The following FTCDNL1 variants were observed in gnomAD, a reference collection of about 807,000 sequenced individuals.
FTCDNL1 encodes formiminotransferase N-terminal subdomain-containing protein.
Under a neutral mutation model 5.9 loss-of-function variants are expected in FTCDNL1, and 11 were observed. That is an observed-to-expected ratio of 1.87 (90% confidence interval 1.18 to 3.10). FTCDNL1 has a LOEUF of 3.10. FTCDNL1 is among the 30% of genes most tolerant of loss of function. The pLI, the probability that FTCDNL1 is intolerant of heterozygous loss-of-function variation, is 0.00. For synonymous variants in FTCDNL1, 58 were observed against 24.8 expected (o/e 2.34, Z -3.99); for missense variants, 115 against 65.5 (o/e 1.76, Z -2.61).
the FTCDNL1 span, among the ~76,000 whole-genome samples, chr2:199,724,042 A>G: frequency 6.6e-6 from 1 of 152,250 alleles, no homozygotes; most frequent in Admixed American, 6.5e-5. Context: ...TAGGCTATTT[A>G]TTATTGCCTC....
At chr2:199,741,231 G>A in the FTCDNL1 span, among the ~76,000 whole-genome samples, 4 of 152,108 alleles carry the variant, frequency 2.6e-5, no homozygotes, top group Admixed American at 6.5e-5. Flanking sequence ...AGCTATGATC[G>A]CTCCACTGCA....
At chr2:199,793,687 G>C (rs1339812181) in intron 3 of FTCDNL1, among the ~76,000 whole-genome samples, 2 of 152,110 alleles carry the variant, frequency 1.3e-5, no homozygotes, top group African/African-American at 2.4e-5. Flanking sequence ...CATGAGTAAA[G>C]AAAATGGCTA....
chr2:199,757,525 G>A (rs1035867167), downstream of FTCDNL1, among the ~76,000 whole-genome samples: 3 of 152,232 alleles, frequency 2.0e-5, no homozygotes, highest in Non-Finnish European at 4.4e-5. Flanking sequence ...CCAGGAAAGG[G>A]ATGGTGTCCC....
the FTCDNL1 span, among the ~76,000 whole-genome samples, chr2:199,704,143 A>C: frequency 2.6e-5 from 4 of 152,180 alleles, no homozygotes; most frequent in Non-Finnish European, 5.9e-5. Flanking sequence ...TCAGGAACTA[A>C]GGAATTCCAT....
chr2:199,848,986 AT>A lies in FTCDNL1; in HGVS notation c.-7-18del. The A allele has an allele frequency of 8.6e-6, 6 of 697,952 alleles. No homozygotes were observed. Among genetic ancestry groups the A allele is most frequent in the Non-Finnish European group, 1.6e-5 (6 of 383,704 alleles). 43.2% of individuals were successfully genotyped at this position (697,952 alleles called of 1,614,324 possible). ...ATGATTTTTCTGGAATAGGAGAAAA[AT>A]TTTTATGTGTCTCTAGAGTTGATTC... On this transcript the variant is annotated intron_variant, in intron 1 of 4. Transcript: ENST00000420128.
intron 3 of FTCDNL1, among the ~76,000 whole-genome samples, chr2:199,773,788 C>T (rs571444703): frequency 1.3e-5 from 2 of 152,274 alleles, no homozygotes; most frequent in South Asian, 2.1e-4. Context: ...TATGACATTG[C>T]TTTTCATTAT....
intron 4 of FTCDNL1, among the ~76,000 whole-genome samples, chr2:199,813,190 TAACACA>T (rs1200583390): frequency 6.6e-6 from 1 of 152,154 alleles, no homozygotes; most frequent in Non-Finnish European, 1.5e-5. Context: ...ATGTCTGGAA[TAACACA>T]AATAAAAAAC....
At chr2:199,850,580 C>G (rs981925899) in intron 1 of FTCDNL1, among the ~76,000 whole-genome samples, 160 bp downstream of exon 1, 1 of 152,244 alleles carries the variant, frequency 6.6e-6, no homozygotes, top group African/African-American at 2.4e-5. Flanking sequence ...CCCCAAAACA[C>G]TCTGTGTTTG....
chr2:199,726,024 A>G, the FTCDNL1 span, among the ~76,000 whole-genome samples: 1 of 151,898 alleles, frequency 6.6e-6, no homozygotes, highest in African/African-American at 2.4e-5. Flanking sequence ...AGGTACCCCA[A>G]TCATTCATAG....
intron 3 of FTCDNL1, among the ~76,000 whole-genome samples, chr2:199,775,599 C>G (rs1699018373): frequency 6.6e-6 from 1 of 152,180 alleles, no homozygotes; most frequent in Admixed American, 6.5e-5. Context: ...TTTTTCTGCT[C>G]CAGATATCCA....
At chr2:199,807,202 G>A (rs149737668), downstream of FTCDNL1, among the ~76,000 whole-genome samples, 9 of 152,196 alleles carry the variant, frequency 5.9e-5, no homozygotes, top group Non-Finnish European at 1.2e-4. Context: ...GGAAGAGCTG[G>A]TGATAGTGTA....
chr2:199,736,537 C>T, the FTCDNL1 span, among the ~76,000 whole-genome samples: 1 of 152,210 alleles, frequency 6.6e-6, no homozygotes, highest in African/African-American at 2.4e-5. Flanking sequence ...TAACAGTATG[C>T]CTTCTGTCTC....
At chr2:199,778,286 A>G (rs758029587) in intron 3 of FTCDNL1, among the ~76,000 whole-genome samples, 4 of 152,198 alleles carry the variant, frequency 2.6e-5, no homozygotes, top group Non-Finnish European at 5.9e-5. Context: ...CGTTTGAAGG[A>G]GCAAACACCT....
intron 1 of FTCDNL1, 90 bp from the exon 2 acceptor site, chr2:199,849,059 G>A (rs963363416): frequency 4.7e-6 from 3 of 643,360 alleles, no homozygotes; most frequent in African/African-American, 1.8e-5. Flanking sequence ...TTTTGGAAAC[G>A]AAGCAGTCAT....
intron 2 of FTCDNL1, among the ~76,000 whole-genome samples, chr2:199,848,202 T>C (rs1398731931): frequency 1.3e-5 from 2 of 152,154 alleles, no homozygotes; most frequent in African/African-American, 2.4e-5. Flanking sequence ...TTTTAAAAAA[T>C]GAAATGTTTT....
At chr2:199,765,139 G>C (rs927732580) in intron 3 of FTCDNL1, among the ~76,000 whole-genome samples, 1 of 152,162 alleles carries the variant, frequency 6.6e-6, no homozygotes, top group African/African-American at 2.4e-5. Flanking sequence ...TTTTAGGTAA[G>C]TAAAACTATT....
At chr2:199,740,389 TGTA>T in the FTCDNL1 span, among the ~76,000 whole-genome samples, 4 of 152,208 alleles carry the variant, frequency 2.6e-5, no homozygotes, top group Non-Finnish European at 5.9e-5. Context: ...CAAGCCAAGC[TGTA>T]GTTCTGAGAG....
intron 3 of FTCDNL1, among the ~76,000 whole-genome samples, chr2:199,781,414 T>C (rs1699355059): frequency 6.6e-6 from 1 of 152,186 alleles, no homozygotes; most frequent in African/African-American, 2.4e-5. Context: ...AATTTACTAA[T>C]TTAATGGGCT....
chr2:199,716,844 T>C, the FTCDNL1 span, among the ~76,000 whole-genome samples: 1 of 152,126 alleles, frequency 6.6e-6, no homozygotes, highest in Non-Finnish European at 1.5e-5. Context: ...TAAATCCTTT[T>C]GAAAAAAGAT....
Sources: allele counts gnomAD v4.1 joint callset (sites outside exome capture counted in the v4.1 genomes callset), GRCh38; gene constraint gnomAD v4.1.1; transcripts MANE v1.5; gene names NCBI Gene and HGNC (gene_info 2026-07-23, HGNC 2026-07-21).